The following NBEA variants were observed in gnomAD, a reference collection of about 807,000 sequenced individuals.
NBEA encodes lysosomal-trafficking regulator 2.
In NBEA, 44 loss-of-function variants were observed where a neutral mutation model predicts 343.4. The observed-to-expected ratio is 0.13, with a 90% CI of 0.10 to 0.16. NBEA has a LOEUF of 0.16. Among genes scored for constraint, NBEA ranks in the 10% least tolerant of loss-of-function variants. NBEA has a pLI of 1.00. For missense variants in NBEA, 2,555 were observed against 3,631.3 expected, an observed-to-expected ratio of 0.70 and a Z score of 7.62; for synonymous variants, 1,175 against 1,238.7, an observed-to-expected ratio of 0.95 and a Z score of 1.08.
At chr13:35,476,311 G>C (rs2075866079) in intron 41 of NBEA, 2 of 652,496 alleles carry the variant, frequency 3.1e-6, no homozygotes, top group South Asian at 5.0e-5. Context: ...TGCTGCTGCT[G>C]CTGCTGCTGC....
At position 34,986,646 on chromosome 13, in the gene NBEA, C is replaced by A. The variant is rs2060558769; in HGVS notation, c.294+43532C>A. Reference sequence around the variant, plus strand: ...TATTGACAGTAGGGTGTTAAAGTCTCCCATTATTATTGTGTGGGAGTCTAA... The same window carrying A: ...TATTGACAGTAGGGTGTTAAAGTCTACCATTATTATTGTGTGGGAGTCTAA... On this transcript the variant is annotated intron_variant, in intron 1 of 58. Coordinates refer to ENST00000379939, the MANE Select transcript of NBEA (RefSeq NM_001385012.1). 1.3e-5 allele frequency among the ~76,000 whole-genome samples: 2 copies of A among 150,710 alleles called. 1 individual carries two copies. Among genetic ancestry groups the A allele is most frequent in the Non-Finnish European group, 3.0e-5 (2 of 67,334 alleles).
intron 1 of NBEA, among the ~76,000 whole-genome samples, chr13:34,990,595 G>A (rs1377649995): frequency 6.6e-6 from 1 of 150,816 alleles, no homozygotes; most frequent in Non-Finnish European, 1.5e-5. Context: ...TCTTCCCTTA[G>A]GCCTCTGGGC....
At chr13:35,563,220 G>A (rs2153023323) in intron 44 of NBEA, among the ~76,000 whole-genome samples, 1 of 151,734 alleles carries the variant, frequency 6.6e-6, no homozygotes, top group East Asian at 1.9e-4. Context: ...ACCACTGCTG[G>A]AAAAGGAAAG....
At chr13:35,091,671 C>A (rs139878107) in intron 10 of NBEA, among the ~76,000 whole-genome samples, 202 of 151,804 alleles carry the variant, frequency 1.3e-3, no homozygotes, top group Middle Eastern at 3.4e-3. Context: ...CAATGTGAAA[C>A]CACATTTAAA....
chr13:35,363,233 A>T (rs1244187090), intron 38 of NBEA, among the ~76,000 whole-genome samples: 1 of 151,926 alleles, frequency 6.6e-6, no homozygotes, highest in Non-Finnish European at 1.5e-5. Context: ...TAATAATTTT[A>T]CTGGTGTAAA....
At chr13:35,383,298 A>C (rs1216529363) in intron 38 of NBEA, among the ~76,000 whole-genome samples, 1 of 152,202 alleles carries the variant, frequency 6.6e-6, no homozygotes, top group Non-Finnish European at 1.5e-5. Context: ...ATATTATCTA[A>C]AGTCAGAAAA....
rs537689863 is a variant in NBEA at position 35,112,776 on chromosome 13, C to A, written c.2002+1798C>A. 2.0e-3 allele frequency among the ~76,000 whole-genome samples: 302 copies of A among 152,230 alleles called. 1 individual carries two copies. Among genetic ancestry groups the A allele is most frequent in the Non-Finnish European group, 3.4e-3 (232 of 67,986 alleles). On this transcript the variant is annotated intron_variant, in intron 13 of 58. Coordinates refer to ENST00000379939, the MANE Select transcript of NBEA (RefSeq NM_001385012.1). ...TTTTATGTATATATAAACACACCTACAGATATATACACATTTTTTTTCTGA... is the reference window on the plus strand; with the variant it reads ...TTTTATGTATATATAAACACACCTAAAGATATATACACATTTTTTTTCTGA...
chr13:34,963,792 CA>C, intron 1 of NBEA, among the ~76,000 whole-genome samples: 1 of 151,746 alleles, frequency 6.6e-6, no homozygotes, highest in East Asian at 1.9e-4. Flanking sequence ...CGGAAAAGCC[CA>C]AATAGTTTTG....
At chr13:35,153,165 T>C (rs897025383) in intron 18 of NBEA, among the ~76,000 whole-genome samples, 5 of 151,562 alleles carry the variant, frequency 3.3e-5, no homozygotes, top group Non-Finnish European at 5.9e-5. Flanking sequence ...CCTGAGTAGC[T>C]GGGACTACAG....
chr13:35,454,844 A>C (rs2046484912), intron 40 of NBEA, among the ~76,000 whole-genome samples: 1 of 152,194 alleles, frequency 6.6e-6, no homozygotes, highest in Admixed American at 6.5e-5. Context: ...TGGGCGACAG[A>C]ATGAGACTCC....
chr13:35,550,229 T>G (rs2079252450), intron 41 of NBEA, among the ~76,000 whole-genome samples: 1 of 152,194 alleles, frequency 6.6e-6, no homozygotes, highest in Non-Finnish European at 1.5e-5. Context: ...AAAGTGATAA[T>G]ATATTTTCGG....
At chr13:35,362,614 A>G (rs189514533) in intron 38 of NBEA, among the ~76,000 whole-genome samples, 2 of 152,072 alleles carry the variant, frequency 1.3e-5, no homozygotes, top group East Asian at 3.9e-4. Flanking sequence ...ACCCATGCCC[A>G]CCAAACAAAC....
chr13:35,598,335 A>T (rs900841158), intron 47 of NBEA, among the ~76,000 whole-genome samples: 1 of 152,218 alleles, frequency 6.6e-6, no homozygotes, highest in Non-Finnish European at 1.5e-5. Context: ...GGGACTGTCC[A>T]TGGATTAGGG....
intron 41 of NBEA, among the ~76,000 whole-genome samples, chr13:35,511,981 T>C (rs2077294987): frequency 6.6e-6 from 1 of 152,208 alleles, no homozygotes; most frequent in South Asian, 2.1e-4. Context: ...ATATTTATAA[T>C]TGACTCTACT....
At chr13:35,571,042 ATC>A (rs765900600) in intron 45 of NBEA, among the ~76,000 whole-genome samples, 4 of 152,146 alleles carry the variant, frequency 2.6e-5, no homozygotes, top group African/African-American at 4.8e-5. Context: ...ATTCTAAAAG[ATC>A]TCTAACAACA....
rs975322253 is a variant in NBEA, at chr13:35,160,002, C to G, written c.3831C>G (p.Ile1277Met). Residue 1277 changes from isoleucine to methionine, a missense_variant, in exon 22 of 59, where the codon ATC becomes ATG. Ile to Met is a conservative substitution (Grantham distance 10, BLOSUM62 1). Coordinates refer to ENST00000379939, the MANE Select transcript of NBEA (RefSeq NM_001385012.1). Reference protein sequence around the residue: ...SDDGKESGKEIRKIQTTTTTQ... With the variant: ...SDDGKESGKEMRKIQTTTTTQ... ...ATGGCAAAGAATCAGGAAAAGAAATCCGAAAAATCCAAACAACTACTACGA... is the reference window on the plus strand; with the variant it reads ...ATGGCAAAGAATCAGGAAAAGAAATGCGAAAAATCCAAACAACTACTACGA... The G allele has an allele frequency of 9.5e-6, 15 of 1,586,012 alleles. No homozygotes were observed. The African/African-American group carries it at 1.4e-4, about 14-fold the overall frequency.
intron 43 of NBEA, among the ~76,000 whole-genome samples, chr13:35,553,652 C>G (rs1171891981): frequency 6.6e-6 from 1 of 152,064 alleles, no homozygotes; most frequent in Non-Finnish European, 1.5e-5. Context: ...GTGCTATGTA[C>G]AAGACAATGC....
chr13:35,422,773 A>C (rs573433603), intron 38 of NBEA, among the ~76,000 whole-genome samples: 1 of 152,268 alleles, frequency 6.6e-6, no homozygotes, highest in South Asian at 2.1e-4. Context: ...CAACGTGTAA[A>C]AGTGTTCCTA....
intron 8 of NBEA, among the ~76,000 whole-genome samples, chr13:35,063,019 G>A (rs374201324): frequency 1.5e-3 from 229 of 152,070 alleles, no homozygotes; most frequent in African/African-American, 5.3e-3. Context: ...TTTCTTGAAT[G>A]ATAGGCCAAA....
Sources: allele counts gnomAD v4.1 joint callset (sites outside exome capture counted in the v4.1 genomes callset), GRCh38; gene constraint gnomAD v4.1.1; transcripts MANE v1.5; gene names NCBI Gene and HGNC (gene_info 2026-07-23, HGNC 2026-07-21).